Variants in CANT1 observed in about 807,000 individuals in gnomAD.
CANT1 encodes calcium activated nucleotidase 1.
CANT1 carries 26 observed loss-of-function variants against 30.0 expected under a neutral mutation model. The ratio of observed to expected loss-of-function variants is 0.87; its 90% CI spans 0.64 to 1.20. CANT1 has a LOEUF of 1.20. CANT1 is among the 50% of genes most tolerant of loss of function. The pLI, the probability that CANT1 is intolerant of heterozygous loss-of-function variation, is 0.00. For synonymous variants in CANT1, 246 were observed against 251.8 expected (o/e 0.98, Z 0.22); for missense variants, 518 against 563.0 (o/e 0.92, Z 0.81).
chr17:79,001,760 C>A (rs959120672), intron 1 of CANT1, among the ~76,000 whole-genome samples: 1 of 152,124 alleles, frequency 6.6e-6, no homozygotes, highest in African/African-American at 2.4e-5. Flanking sequence ...TCTTCTCGGC[C>A]CCCACTGCTG....
At chr17:79,000,048 A>C (rs1442602442) in intron 1 of CANT1, 2 of 153,446 alleles carry the variant, frequency 1.3e-5, no homozygotes, top group Non-Finnish European at 2.9e-5. Context: ...CTCCTGCCTC[A>C]GCCTCCCAAA....
At position 78,996,897 on chromosome 17, in the gene CANT1, T is replaced by C. The variant is rs577508516; in HGVS notation, c.631+95A>G. 2.0e-6 allele frequency: 3 copies of C among 1,525,010 alleles called. No individual in the cohort carries two copies. Among genetic ancestry groups the C allele is most frequent in the African/African-American group, 1.4e-5 (1 of 73,340 alleles). The allele number at this position is 1,525,010 out of a possible 1,614,324, so 94.5% of individuals were successfully genotyped here. A position where few individuals can be genotyped will look rare whatever the true frequency, so the allele number is the denominator to read the frequency against. On this transcript the variant is annotated intron_variant, in intron 3 of 4. Transcript: ENST00000392446. This position sits in a 1 kb window ranked among gnomAD's most constrained non-coding sequence, Gnocchi z 5.1. ...CCTCACCACATCCCTGGCTTCTAGG[T>C]GTGTGAATTCTTTACCATGTGCCTG...
At position 78,993,721 on chromosome 17, in the gene CANT1, C is replaced by T. The variant is rs750928256; in HGVS notation, c.1035G>A (p.Ser345=). The part of the protein sequence containing the change: ...VGAVVPTHGF[S]SFKFIPNTDD... ...CGGTGTTGGGGATGAACTTGAAGGA[C>T]GAGAAGCCGTGAGTGGGGACCACCG... The change falls in exon 5 of 5, where the codon TCG becomes TCA. Residue 345 remains serine, a synonymous_variant. Transcript: ENST00000392446. The surrounding 1 kb of genome is among the most constrained non-coding windows in gnomAD (Gnocchi z 4.5). 12 of 1,613,966 alleles carry T rather than the reference C, an allele frequency of 7.4e-6. No individual in the cohort carries two copies. The highest frequency in any genetic ancestry group is 3.3e-4 in the Middle Eastern group (2 of 6,084).
In CANT1 at chr17:78,993,815, C is replaced by T. The variant is rs1293634752; in HGVS notation, c.941G>A (p.Arg314His). ...QERYSEKDDE[R>H]KGANLLLSAS... is the part of the protein sequence containing the mutation. ...GCTCAGCAGCAGGTTGGCGCCCTTGCGCTCGTCGTCCTTCTCGCTGTAGCG... is the reference window on the plus strand; with the variant it reads ...GCTCAGCAGCAGGTTGGCGCCCTTGTGCTCGTCGTCCTTCTCGCTGTAGCG... The change falls in exon 5 of 5, where the codon CGC becomes CAC. Residue 314 changes from arginine to histidine, a missense_variant. Physicochemically the swap from Arg to His is conservative, Grantham distance 29. This residue lies in a region of CANT1 where 221 missense variants were observed against 211.8 expected (regional missense o/e 1.04). Transcript: ENST00000392446. This position sits in a 1 kb window ranked among gnomAD's most constrained non-coding sequence, Gnocchi z 4.5. The T allele has an allele frequency of 6.2e-7, 1 of 1,607,250 alleles. No homozygotes were observed. Among genetic ancestry groups the T allele is most frequent in the Non-Finnish European group, 8.5e-7 (1 of 1,177,714 alleles).
rs2071016296 is a variant in CANT1 at position 78,995,792 on chromosome 17, G to A, written c.632-571C>T. ...TGTATTCTTATCATCCCTACACCCT[G>A]GTGTTCTAACTTCTGTTTGCTTTCC... On this transcript the variant is annotated intron_variant, in intron 3 of 4. Transcript: ENST00000392446. This position sits in a 1 kb window ranked among gnomAD's most constrained non-coding sequence, Gnocchi z 5.7. Among the ~76,000 whole-genome samples the A allele has an allele frequency of 6.6e-6, 1 of 152,176 alleles. No individual in the cohort carries two copies.
intron 4 of CANT1, among the ~76,000 whole-genome samples, 185 bp downstream of exon 4, chr17:78,994,833 T>C (rs1200802822): frequency 6.6e-6 from 1 of 152,122 alleles, no homozygotes; most frequent in African/African-American, 2.4e-5. Context: ...GGCAGAAAAA[T>C]CGTTTGAACC....
At chr17:78,994,934 T>G in intron 4 of CANT1, 84 bp downstream of exon 4, 9 of 1,425,686 alleles carry the variant, frequency 6.3e-6, no homozygotes, top group Non-Finnish European at 8.6e-6. Flanking sequence ...AAAAAACGGT[T>G]TTGGAGGCAA....
rs199950703 is a variant in CANT1, at chr17:78,997,520, C to A, written c.103G>T (p.Ala35Ser). ...CAGCGGGGGCGGAAGCGGGGGTCCG[C>A]GGCCTTGGTCATGGACGCCAGCACA... Reference protein sequence around the residue: ...LPVLASMTKAADPRFRPRWKV... With the variant: ...LPVLASMTKASDPRFRPRWKV... The change falls in exon 3 of 5, where the codon GCG becomes TCG. Residue 35 changes from alanine (A) to serine (S), a missense_variant. By Grantham distance (99) the Ala-to-Ser change is moderately conservative (BLOSUM62 1). Around this residue, in one of 3 missense-constraint regions of CANT1, gnomAD observed 249 missense variants for 268.8 expected, o/e 0.93. Coordinates refer to ENST00000392446, the MANE Select transcript of CANT1 (RefSeq NM_001159773.2). This position sits in a 1 kb window ranked among gnomAD's most constrained non-coding sequence, Gnocchi z 7.5. 1.9e-6 allele frequency: 3 copies of A among 1,567,654 alleles called. No individual in the cohort carries two copies. The highest frequency in any genetic ancestry group is 2.6e-6 in the Non-Finnish European group (3 of 1,155,540).
rs921696944 is a variant in CANT1 at position 78,995,517 on chromosome 17, T to C, written c.632-296A>G. The stretch of plus-strand genomic sequence containing the variant: ...CTTAAAGGCTAGAAAAGCTGAAAAG[T>C]GACAGCACTCTGAAGGGGCACGTGT... On this transcript the variant is annotated intron_variant, in intron 3 of 4. Coordinates refer to ENST00000392446, the MANE Select transcript of CANT1 (RefSeq NM_001159773.2). The surrounding 1 kb of genome is among the most constrained non-coding windows in gnomAD (Gnocchi z 5.7). 1.3e-5 allele frequency among the ~76,000 whole-genome samples: 2 copies of C among 152,200 alleles called. No individual in the cohort carries two copies. Among genetic ancestry groups the C allele is most frequent in the Non-Finnish European group, 2.9e-5 (2 of 68,032 alleles).
Position 79,002,889 on chromosome 17 carries a change from C to G in CANT1, c.-146-4926G>C, listed in dbSNP as rs1197773209. Among the ~76,000 whole-genome samples the G allele has an allele frequency of 1.3e-5, 2 of 152,256 alleles. No homozygotes were observed. The highest frequency in any genetic ancestry group is 4.8e-5 in the African/African-American group (2 of 41,478). On this transcript the variant is annotated intron_variant, in intron 1 of 4. Coordinates refer to ENST00000392446, the MANE Select transcript of CANT1 (RefSeq NM_001159773.2). This position sits in a 1 kb window ranked among gnomAD's most constrained non-coding sequence, Gnocchi z 4.0. ...ACCTCTCCCAGGTCGCTGTGCAACA[C>G]TGCACGCCTTCCTATTCCAGACTCC...
chr17:78,997,094 G>A lies in CANT1; in HGVS notation c.529C>T (p.Leu177Phe), dbSNP rs375929530. 1.1e-4 allele frequency: 170 copies of A among 1,614,058 alleles called. 1 individual carries two copies. The highest frequency in any genetic ancestry group is 1.4e-4 in the Non-Finnish European group (162 of 1,180,052). The stretch of plus-strand genomic sequence containing the variant: ...CCCGTCCGGTCATCCACGGAGTAGA[G>A]TTTCCCATTGAAAACAATCAGGTCG... ...LSDLIVFNGKLYSVDDRTGVV... is the reference protein window; with the variant it reads ...LSDLIVFNGKFYSVDDRTGVV... The change falls in exon 3 of 5, where the codon CTC (leucine) becomes TTC (phenylalanine). Residue 177 changes from leucine (L) to phenylalanine (F), a missense_variant. Coordinates refer to ENST00000392446, the MANE Select transcript of CANT1 (RefSeq NM_001159773.2). The surrounding 1 kb of genome is among the most constrained non-coding windows in gnomAD (Gnocchi z 7.5).
chr17:78,998,195 T>A lies in CANT1; in HGVS notation c.-146-232A>T, dbSNP rs548818908. 1.2e-3 allele frequency: 206 copies of A among 170,358 alleles called. 1 individual carries two copies. The highest frequency in any genetic ancestry group is 4.6e-3 in the African/African-American group (193 of 42,124). 10.6% of individuals were successfully genotyped at this position (170,358 alleles called of 1,614,324 possible). A position where few individuals can be genotyped will look rare whatever the true frequency, so the allele number is the denominator to read the frequency against. Reference sequence around the variant, plus strand: ...AGTTATCGGTTTGTTTGTTTCTGTCTCCACCTCTGTATCCTGGCTCCTAGA... The same window carrying A: ...AGTTATCGGTTTGTTTGTTTCTGTCACCACCTCTGTATCCTGGCTCCTAGA... On this transcript the variant is annotated intron_variant, in intron 1 of 4. Transcript: ENST00000392446. This position sits in a 1 kb window ranked among gnomAD's most constrained non-coding sequence, Gnocchi z 4.5.
chr17:79,001,463 C>T (rs2071258638), intron 1 of CANT1, among the ~76,000 whole-genome samples: 2 of 152,142 alleles, frequency 1.3e-5, no homozygotes, highest in African/African-American at 4.8e-5. Flanking sequence ...TACCTCCAGA[C>T]CCCACACTCC....
chr17:78,994,910 A>C (rs2070975948), intron 4 of CANT1, 108 bp downstream of exon 4: 2 of 1,161,260 alleles, frequency 1.7e-6, no homozygotes, highest in Non-Finnish European at 2.5e-6. Flanking sequence ...ACAGAGCAAG[A>C]CTATGTCTAA....
rs1360744855 is a variant in CANT1 at position 78,995,002 on chromosome 17, G to A, written c.835+16C>T. The A allele has an allele frequency of 2.6e-6, 4 of 1,553,646 alleles. No homozygotes were observed. Among genetic ancestry groups the A allele is most frequent in the Non-Finnish European group, 3.5e-6 (4 of 1,150,602 alleles). ...CTGTGGAAGCCACACTGTGGGCTGG[G>A]GCAGGCGTCTCTTACCTGGCGGCTG... On this transcript the variant is annotated intron_variant, in intron 4 of 4. Coordinates refer to ENST00000392446, the MANE Select transcript of CANT1 (RefSeq NM_001159773.2). This position sits in a 1 kb window ranked among gnomAD's most constrained non-coding sequence, Gnocchi z 5.7.
rs1409328579 is a variant in CANT1 at position 78,997,301 on chromosome 17, C to T, written c.322G>A (p.Ala108Thr). ...RTPAGIRYRIAVIADLDTESR... is the reference protein window; with the variant it reads ...RTPAGIRYRITVIADLDTESR... ...TCTGTGTCCAGGTCTGCGATAACTG[C>T]GATTCGATACCGAATCCCAGCCGGT... The change falls in exon 3 of 5, where the codon GCA becomes ACA. Residue 108 changes from alanine to threonine, a missense_variant. This residue lies in a region of CANT1 where 249 missense variants were observed against 268.8 expected (regional missense o/e 0.93). Transcript: ENST00000392446. The surrounding 1 kb of genome is among the most constrained non-coding windows in gnomAD (Gnocchi z 7.5). 9.9e-6 allele frequency: 16 copies of T among 1,614,138 alleles called. No individual in the cohort carries two copies. The highest frequency in any genetic ancestry group is 6.7e-5 in the East Asian group (3 of 44,876).
Position 79,002,189 on chromosome 17 carries a change from T to C in CANT1, c.-146-4226A>G, listed in dbSNP as rs2145848054. Among the ~76,000 whole-genome samples the C allele has an allele frequency of 6.6e-6, 1 of 152,250 alleles. No homozygotes were observed. Among genetic ancestry groups the C allele is most frequent in the Non-Finnish European group, 1.5e-5 (1 of 68,014 alleles). ...AAGCTCATCAGCTATCAATGGATTT[T>C]ATGTGTGGCCCAAGACAATTCTTCT... On this transcript the variant is annotated intron_variant, in intron 1 of 4. Coordinates refer to ENST00000392446, the MANE Select transcript of CANT1 (RefSeq NM_001159773.2). This position sits in a 1 kb window ranked among gnomAD's most constrained non-coding sequence, Gnocchi z 4.0.
At chr17:79,009,628 G>C (rs1453497735) in intron 1 of CANT1, 36 bp downstream of exon 1, 1 of 152,436 alleles carries the variant, frequency 6.6e-6, no homozygotes, top group Non-Finnish European at 1.5e-5. Context: ...CCGTGGCTGG[G>C]GCAGGGCGCC....
At chr17:79,005,866 A>G (rs1027885950) in intron 1 of CANT1, 19 of 152,188 alleles carry the variant, frequency 1.2e-4, no homozygotes, top group African/African-American at 4.6e-4. Context: ...GCGCATCTCA[A>G]AGAAACACTT....
Sources: gnomAD v4.1 joint callset for allele counts (sites outside exome capture counted in the v4.1 genomes callset) on GRCh38, gnomAD v4.1.1 for gene constraint, gnomAD v4.1.1 regional missense constraint, Gnocchi (gnomAD v3.1) non-coding constraint, MANE v1.5 for transcripts, NCBI Gene and HGNC (gene_info 2026-07-23, HGNC 2026-07-21) for gene names.